NRG1: variants seen among roughly 807,000 people sequenced by gnomAD.
NRG1 encodes the protein pro-neuregulin-1, membrane-bound isoform.
In NRG1, 18 loss-of-function variants were observed where a neutral mutation model predicts 63.8. The ratio of observed to expected loss-of-function variants is 0.28; its 90% confidence interval spans 0.19 to 0.42. The LOEUF is 0.42. Among genes scored for constraint, NRG1 ranks in the 10% least tolerant of loss-of-function variants. NRG1 has a pLI of 1.00. For missense variants in NRG1, 762 were observed against 814.7 expected, an observed-to-expected ratio of 0.94 and a Z score of 0.79; for synonymous variants, 302 against 301.3, an observed-to-expected ratio of 1.00 and a Z score of -0.02.
chr8:32,006,681 C>A (rs1271423834), intron 1 of NRG1, among the ~76,000 whole-genome samples: 1 of 152,022 alleles, frequency 6.6e-6, no homozygotes, highest in Admixed American at 6.6e-5. Context: ...AGATTCACAG[C>A]TGAGCATCAG....
At position 31,734,847 on chromosome 8, in the gene NRG1, C is replaced by T. The variant is rs868264085; in HGVS notation, c.37+95416C>T. Among the ~76,000 whole-genome samples, 7 of 152,092 alleles carry T rather than the reference C, an allele frequency of 4.6e-5. No individual in the cohort carries two copies. The South Asian group carries it at 1.5e-3, about 32-fold the overall frequency. On this transcript the variant is annotated intron_variant, in intron 1 of 10. Coordinates refer to the NRG1 transcript ENST00000519301. ...CCTCTCCTGTTTTTTTATTCTAAGT[C>T]TCCCTAGCCTCTTAGGTTTTTGTTT... is the stretch of plus-strand genomic sequence containing the variant.
intron 1 of NRG1, among the ~76,000 whole-genome samples, chr8:32,318,366 T>C (rs1800999753): frequency 6.6e-6 from 1 of 152,216 alleles, no homozygotes; most frequent in Admixed American, 6.5e-5. Flanking sequence ...GAAATATATT[T>C]TGATAGGGCT....
intron 8 of NRG1, among the ~76,000 whole-genome samples, chr8:32,754,971 G>A (rs1038287929): frequency 1.3e-5 from 2 of 152,120 alleles, no homozygotes; most frequent in African/African-American, 4.8e-5. Flanking sequence ...TGAAAATTAC[G>A]AGATAAAGGA....
At chr8:32,016,714 A>G (rs563556908) in intron 1 of NRG1, among the ~76,000 whole-genome samples, 1 of 152,262 alleles carries the variant, frequency 6.6e-6, no homozygotes, top group East Asian at 1.9e-4. Context: ...TTCCATTCCC[A>G]ATTTAAATGT....
intron 1 of NRG1, among the ~76,000 whole-genome samples, chr8:31,870,579 T>A (rs1585392493): frequency 6.6e-6 from 1 of 152,136 alleles, no homozygotes; most frequent in Non-Finnish European, 1.5e-5. Context: ...TTATAGAATT[T>A]TAATTATGTA....
intron 1 of NRG1, among the ~76,000 whole-genome samples, chr8:32,032,420 TG>T: frequency 6.6e-6 from 1 of 152,136 alleles, no homozygotes; most frequent in East Asian, 1.9e-4. Context: ...CCTGCCACTA[TG>T]CCCAGATACT....
chr8:32,749,515 CT>C lies in NRG1; in HGVS notation c.692-4852del, dbSNP rs754001273. ...TGCAGTGTATTGCTCTTTTCTGAAA[CT>C]TTTTCCCTTTCTTTCTTTTTTTTGT... On this transcript the variant is annotated intron_variant, in intron 7 of 11. Transcript: ENST00000356819. 5 of 1,608,998 alleles carry C rather than the reference CT, an allele frequency of 3.1e-6. No homozygotes were observed. In the Admixed American group the frequency reaches 5.0e-5, roughly 16 times the overall value.
At chr8:32,729,837 G>A (rs746353238) in intron 6 of NRG1, among the ~76,000 whole-genome samples, 2 of 152,154 alleles carry the variant, frequency 1.3e-5, no homozygotes, top group Non-Finnish European at 2.9e-5. Context: ...TAGATTGGGC[G>A]TGTCTGTAGC....
chr8:32,336,686 T>C (rs1022433784), intron 1 of NRG1, among the ~76,000 whole-genome samples: 1 of 152,280 alleles, frequency 6.6e-6, no homozygotes, highest in Non-Finnish European at 1.5e-5. Context: ...CTGGGCTCAC[T>C]GCAACCTCCG....
At chr8:31,992,284 G>A (rs1811227957) in intron 1 of NRG1, among the ~76,000 whole-genome samples, 1 of 152,016 alleles carries the variant, frequency 6.6e-6, no homozygotes, top group African/African-American at 2.4e-5. Context: ...AAGGAAAAGG[G>A]GGTACCAAAA....
At chr8:31,967,483 A>G (rs1806546087) in intron 1 of NRG1, among the ~76,000 whole-genome samples, 2 of 152,170 alleles carry the variant, frequency 1.3e-5, no homozygotes, top group Admixed American at 1.3e-4. Context: ...TTATAATAGG[A>G]ATGGTCAGGG....
At chr8:32,280,691 GTTTTTTTTTTTTTTT>G (rs1174950316) in intron 1 of NRG1, among the ~76,000 whole-genome samples, 2 of 57,668 alleles carry the variant, frequency 3.5e-5, no homozygotes, top group South Asian at 8.2e-4. Flanking sequence ...TTTTTTTTTT[GTTTTTTTTTTTTTTT>G]TTTTTTTTCA....
At chr8:31,837,192 G>A (rs1307988486) in intron 1 of NRG1, among the ~76,000 whole-genome samples, 1 of 151,914 alleles carries the variant, frequency 6.6e-6, no homozygotes, top group Non-Finnish European at 1.5e-5. Flanking sequence ...ATTTTCTTCA[G>A]TTGTTTGCCT....
chr8:31,881,660 G>A (rs1351793040), intron 1 of NRG1, among the ~76,000 whole-genome samples: 3 of 152,142 alleles, frequency 2.0e-5, no homozygotes, highest in African/African-American at 4.8e-5. Flanking sequence ...GAATGCAAAG[G>A]AAAAGTCCTT....
chr8:32,118,789 G>C (rs987221990), intron 1 of NRG1, among the ~76,000 whole-genome samples: 1 of 152,058 alleles, frequency 6.6e-6, no homozygotes, highest in African/African-American at 2.4e-5. Context: ...CAAGGCATCA[G>C]ATACCTTCTG....
chr8:32,121,281 C>G (rs1303774685), intron 1 of NRG1, among the ~76,000 whole-genome samples: 1 of 151,990 alleles, frequency 6.6e-6, no homozygotes, highest in Non-Finnish European at 1.5e-5. Flanking sequence ...TTTAACTTAA[C>G]AGCAACCAAC....
At chr8:31,803,171 G>A (rs182577103) in intron 1 of NRG1, among the ~76,000 whole-genome samples, 1 of 152,202 alleles carries the variant, frequency 6.6e-6, no homozygotes, top group Non-Finnish European at 1.5e-5. Flanking sequence ...AATAAAGCAG[G>A]GAGTATAATA....
chr8:31,877,262 C>T (rs1176613623), intron 1 of NRG1, among the ~76,000 whole-genome samples: 2 of 152,116 alleles, frequency 1.3e-5, no homozygotes, highest in African/African-American at 2.4e-5. Flanking sequence ...ACACCAGCAA[C>T]ATTTTTATTG....
intron 1 of NRG1, among the ~76,000 whole-genome samples, chr8:32,161,431 A>C (rs1412471259): frequency 1.3e-5 from 2 of 152,198 alleles, no homozygotes; most frequent in Non-Finnish European, 2.9e-5. Context: ...TAAACCTGAA[A>C]TGATACAATT....
Sources: allele counts gnomAD v4.1 joint callset (sites outside exome capture counted in the v4.1 genomes callset), GRCh38; gene constraint gnomAD v4.1.1; transcripts MANE v1.5; gene names NCBI Gene and HGNC (gene_info 2026-07-23, HGNC 2026-07-21).